PTPRN2: variants seen among roughly 807,000 people sequenced by gnomAD.
PTPRN2 encodes the protein receptor-type tyrosine-protein phosphatase N2.
A neutral mutation model predicts 118.8 loss-of-function variants in PTPRN2; 74 were observed. The ratio of observed to expected loss-of-function variants is 0.62; its 90% CI spans 0.52 to 0.76. The LOEUF (loss-of-function observed/expected upper bound fraction) is 0.76. PTPRN2 is among the 30% of genes least tolerant of loss of function. PTPRN2 has a pLI of 0.00. For synonymous variants in PTPRN2, 641 were observed against 608.0 expected (o/e 1.05, Z -0.80); for missense variants, 1,481 against 1,394.4 (o/e 1.06, Z -0.99).
chr7:157,818,988 C>T (rs1483576928), intron 12 of PTPRN2, among the ~76,000 whole-genome samples: 1 of 152,022 alleles, frequency 6.6e-6, no homozygotes, highest in Admixed American at 6.5e-5. Context: ...CCCAGGCACC[C>T]ATGAAATCTG....
At position 158,529,934 on chromosome 7, in the gene PTPRN2, CACACATGT is replaced by C. The variant is rs1165925975; in HGVS notation, c.113-40157_113-40150del. 6.6e-6 allele frequency among the ~76,000 whole-genome samples: 1 copy of C among 152,118 alleles called. No individual in the cohort carries two copies. The highest frequency in any genetic ancestry group is 1.5e-5 in the Non-Finnish European group (1 of 68,010). Reference sequence around the variant, plus strand: ...ACATATGCACGCTACCACACACATGCACACATGTATCTCACATACCACACACAAGCATG... The same window carrying C: ...ACATATGCACGCTACCACACACATGCATCTCACATACCACACACAAGCATG... On this transcript the variant is annotated intron_variant, in intron 1 of 22. Coordinates refer to ENST00000389418, the MANE Select transcript of PTPRN2 (RefSeq NM_002847.5). This position sits in a 1 kb window ranked among gnomAD's most constrained non-coding sequence, Gnocchi z 4.7.
chr7:158,146,461 C>A (rs552484769), intron 6 of PTPRN2, among the ~76,000 whole-genome samples: 4 of 152,174 alleles, frequency 2.6e-5, no homozygotes, highest in African/African-American at 9.6e-5. Flanking sequence ...GTGGCTCACA[C>A]CTGTAATCCC....
rs564065357 is a variant in PTPRN2, at chr7:158,341,594, G to A, written c.164-24662C>T. ...ACTCTCACCATAAGAGGTGACACCC[G>A]CAGACATCACTCACACCCACACTCT... On this transcript the variant is annotated intron_variant, in intron 2 of 22. Transcript: ENST00000389418. Among the ~76,000 whole-genome samples the A allele has an allele frequency of 5.2e-3, 387 of 75,086 alleles. 68 individuals carry two copies. The highest frequency in any genetic ancestry group is 0.021 in the African/African-American group (355 of 17,170). The allele number at this position is 75,086 out of a possible 152,430, so 49.3% of individuals were successfully genotyped here.
chr7:157,803,910 T>C (rs1417881596), intron 12 of PTPRN2, among the ~76,000 whole-genome samples: 61 of 152,328 alleles, frequency 4.0e-4, no homozygotes, highest in Admixed American at 1.6e-3. Flanking sequence ...TGTCAACTTT[T>C]CTTTTTGGTG....
At position 158,585,583 on chromosome 7, in the gene PTPRN2, C is replaced by T. The variant is rs115944147; in HGVS notation, c.112+1975G>A. Among the ~76,000 whole-genome samples, 423 of 152,324 alleles carry T rather than the reference C, an allele frequency of 2.8e-3. 3 individuals carry two copies. The highest frequency in any genetic ancestry group is 9.6e-3 in the African/African-American group (399 of 41,576). Reference sequence around the variant, plus strand: ...TCAACTTTGCTGGTAGCCAAAATAACACTGCTGCATTGGGCATTATCATTC... The same window carrying T: ...TCAACTTTGCTGGTAGCCAAAATAATACTGCTGCATTGGGCATTATCATTC... On this transcript the variant is annotated intron_variant, in intron 1 of 22. Transcript: ENST00000389418.
Position 158,587,623 on chromosome 7 carries a change from G to GGCAGCAGCAGCAGTAGCA in PTPRN2, c.29_46dup (p.Leu10_Leu15dup), listed in dbSNP as rs1554541458. ...AGGGGCGGCAGGCAGGACGCGTGGC[G>GGCAGCAGCAGCAGTAGCA]GCAGCAGCAGCAGTAGCAGCAGCAG... On this transcript the variant is annotated inframe_insertion, in exon 1 of 23. Coordinates refer to ENST00000389418, the MANE Select transcript of PTPRN2 (RefSeq NM_002847.5). The GGCAGCAGCAGCAGTAGCA allele has an allele frequency of 1.6e-5, 22 of 1,360,296 alleles. No individual in the cohort carries two copies. Among genetic ancestry groups the GGCAGCAGCAGCAGTAGCA allele is most frequent in the African/African-American group, 3.1e-5 (2 of 64,952 alleles). The allele number at this position is 1,360,296 out of a possible 1,614,324, so 84.3% of individuals were successfully genotyped here. A position where few individuals can be genotyped will look rare whatever the true frequency, so the allele number is the denominator to read the frequency against.
chr7:158,456,202 G>A (rs562437700), intron 2 of PTPRN2, among the ~76,000 whole-genome samples: 3 of 151,248 alleles, frequency 2.0e-5, no homozygotes, highest in East Asian at 4.0e-4. Context: ...ATAATGGCAC[G>A]GACGCCATTG....
intron 2 of PTPRN2, among the ~76,000 whole-genome samples, chr7:158,329,788 T>C (rs922609565): frequency 3.9e-5 from 6 of 152,116 alleles, no homozygotes; most frequent in East Asian, 1.9e-4. Flanking sequence ...CAACCCAAGA[T>C]CTGTCCACAT....
At chr7:158,112,077 G>C (rs1816327971) in intron 9 of PTPRN2, among the ~76,000 whole-genome samples, 1 of 152,196 alleles carries the variant, frequency 6.6e-6, no homozygotes, top group African/African-American at 2.4e-5. Context: ...CTCAGCCTCA[G>C]GGGAACCAGC....
chr7:158,337,212 T>C lies in PTPRN2; in HGVS notation c.164-20280A>G, dbSNP rs1399896187. Reference sequence around the variant, plus strand: ...ACACTCTCACCATAAGAGGTGACACTTGCAGACGTCACTAACACCCACATT... The same window carrying C: ...ACACTCTCACCATAAGAGGTGACACCTGCAGACGTCACTAACACCCACATT... On this transcript the variant is annotated intron_variant, in intron 2 of 22. Coordinates refer to ENST00000389418, the MANE Select transcript of PTPRN2 (RefSeq NM_002847.5). Among the ~76,000 whole-genome samples, 247 of 122,994 alleles carry C rather than the reference T, an allele frequency of 2.0e-3. No individual in the cohort carries two copies. The Middle Eastern group carries it at 0.03, about 15-fold the overall frequency. The allele number at this position is 122,994 out of a possible 152,430, so 80.7% of individuals were successfully genotyped here. A position where few individuals can be genotyped will look rare whatever the true frequency, so the allele number is the denominator to read the frequency against.
intron 2 of PTPRN2, among the ~76,000 whole-genome samples, chr7:158,441,032 A>AGTGATGGGG (rs1247296303): frequency 8.8e-6 from 1 of 113,076 alleles, no homozygotes; most frequent in Non-Finnish European, 1.8e-5. Flanking sequence ...TGGTGGTGAC[A>AGTGATGGGG]GTGGTAGTAG....
chr7:157,644,496 A>G (rs561823460), intron 14 of PTPRN2, among the ~76,000 whole-genome samples: 10 of 152,296 alleles, frequency 6.6e-5, no homozygotes, highest in Non-Finnish European at 1.0e-4. Context: ...TTCTTGCTTC[A>G]TCAATTAAAG....
At chr7:158,432,217 C>T (rs1816262146) in intron 2 of PTPRN2, among the ~76,000 whole-genome samples, 1 of 152,196 alleles carries the variant, frequency 6.6e-6, no homozygotes, top group Non-Finnish European at 1.5e-5. Context: ...AGGTTTTCCC[C>T]AGATCCTCAG....
intron 3 of PTPRN2, among the ~76,000 whole-genome samples, chr7:158,311,755 T>G (rs1359050502): frequency 6.6e-6 from 1 of 152,230 alleles, no homozygotes; most frequent in Non-Finnish European, 1.5e-5. Flanking sequence ...CAAGCGCAGT[T>G]ACCAAGACAG....
At chr7:158,303,439 A>C (rs1399644440) in intron 3 of PTPRN2, among the ~76,000 whole-genome samples, 3 of 152,226 alleles carry the variant, frequency 2.0e-5, no homozygotes, top group African/African-American at 7.2e-5. Flanking sequence ...CTACTGTTAA[A>C]ATTTTACTGC....
rs1331198415 is a variant in PTPRN2, at chr7:158,130,835, TAC to T, written c.1556+2840_1556+2841del. On this transcript the variant is annotated intron_variant, in intron 9 of 22. Coordinates refer to ENST00000389418, the MANE Select transcript of PTPRN2 (RefSeq NM_002847.5). ...ACACACACACATACACACACGTACA[TAC>T]ACACACATCTACCCAACACACACAC... Among the ~76,000 whole-genome samples, 6 of 143,044 alleles carry T rather than the reference TAC, an allele frequency of 4.2e-5. No homozygotes were observed. The East Asian group carries it at 8.6e-4, about 21-fold the overall frequency. The allele number at this position is 143,044 out of a possible 152,430, so 93.8% of individuals were successfully genotyped here.
In PTPRN2 at chr7:157,812,127, G is replaced by A. The variant is rs1285945616; in HGVS notation, c.1788+86546C>T. On this transcript the variant is annotated intron_variant, in intron 12 of 22. Coordinates refer to ENST00000389418, the MANE Select transcript of PTPRN2 (RefSeq NM_002847.5). ...GCATCCCTCGACCATGTTCTCTGGT[G>A]CACACAGGTGAGCAGAGGGCAGTGT... 2.0e-5 allele frequency among the ~76,000 whole-genome samples: 3 copies of A among 152,174 alleles called. No homozygotes were observed. The East Asian group carries it at 5.8e-4, about 29-fold the overall frequency.
At chr7:157,713,113 A>C (rs1224943636) in intron 12 of PTPRN2, among the ~76,000 whole-genome samples, 1 of 152,168 alleles carries the variant, frequency 6.6e-6, no homozygotes, top group Non-Finnish European at 1.5e-5. Flanking sequence ...GTGGACTCAC[A>C]CTGGCTCTAA....
At chr7:158,166,885 C>A in intron 6 of PTPRN2, 46 bp downstream of exon 6, 5 of 1,418,960 alleles carry the variant, frequency 3.5e-6, no homozygotes, top group Non-Finnish European at 4.6e-6. Context: ...AGGGGCTGGA[C>A]AGAGGACAGT....
Sources: gnomAD v4.1 joint callset for allele counts (sites outside exome capture counted in the v4.1 genomes callset) on GRCh38, gnomAD v4.1.1 for gene constraint, Gnocchi (gnomAD v3.1) non-coding constraint, MANE v1.5 for transcripts, NCBI Gene and HGNC (gene_info 2026-07-23, HGNC 2026-07-21) for gene names.